Variants in GRAMD1B observed in about 807,000 individuals in gnomAD.
The protein encoded by GRAMD1B is protein Aster-B.
A neutral mutation model predicts 99.7 loss-of-function variants in GRAMD1B; 37 were observed. That is an observed-to-expected ratio of 0.37 (90% CI 0.29 to 0.49). The LOEUF is 0.49. Among genes scored for constraint, GRAMD1B ranks in the 20% least tolerant of loss-of-function variants. The probability of loss-of-function intolerance (pLI) is 0.98; values close to 1 mark genes in which losing one functional copy is unlikely to be tolerated. For synonymous variants in GRAMD1B, 427 were observed against 387.6 expected (o/e 1.10, Z -1.19); for missense variants, 888 against 1,009.2 (o/e 0.88, Z 1.63).
chr11:123,434,330 C>A (rs1380839528), intron 1 of GRAMD1B, among the ~76,000 whole-genome samples: 1 of 151,654 alleles, frequency 6.6e-6, no homozygotes, highest in Non-Finnish European at 1.5e-5. Flanking sequence ...TCGTGTGACT[C>A]ACATCTACTC....
intron 1 of GRAMD1B, among the ~76,000 whole-genome samples, chr11:123,449,394 A>G (rs918827145): frequency 1.3e-5 from 2 of 152,246 alleles, no homozygotes; most frequent in African/African-American, 2.4e-5. Context: ...TTCGATTTTC[A>G]TGGAATTCTA....
At chr11:123,413,504 T>C (rs1415790752) in intron 1 of GRAMD1B, among the ~76,000 whole-genome samples, 2 of 126,484 alleles carry the variant, frequency 1.6e-5, no homozygotes, top group African/African-American at 7.7e-5. Flanking sequence ...CAGGGTCCAT[T>C]TGCCCATATT....
intron 1 of GRAMD1B, among the ~76,000 whole-genome samples, chr11:123,468,948 A>T (rs2134628816): frequency 6.6e-6 from 1 of 152,070 alleles, no homozygotes; most frequent in African/African-American, 2.4e-5. Flanking sequence ...TGTTTATTTA[A>T]TTCTCCCAAA....
chr11:123,520,582 G>A (rs1774737117), intron 2 of GRAMD1B, among the ~76,000 whole-genome samples: 1 of 151,798 alleles, frequency 6.6e-6, no homozygotes, highest in Non-Finnish European at 1.5e-5. Context: ...AACAGCCTGG[G>A]CAACACAGCG....
intron 1 of GRAMD1B, among the ~76,000 whole-genome samples, chr11:123,409,027 G>A (rs779368418): frequency 2.6e-5 from 4 of 152,132 alleles, no homozygotes; most frequent in East Asian, 1.9e-4. Flanking sequence ...CAGAGACAAC[G>A]CTGATTAATC....
intron 2 of GRAMD1B, among the ~76,000 whole-genome samples, chr11:123,522,665 C>T (rs1188128981): frequency 6.6e-6 from 1 of 152,076 alleles, no homozygotes; most frequent in Non-Finnish European, 1.5e-5. Context: ...CCCCAGGGCC[C>T]TGTGAGAAGC....
At chr11:123,436,586 T>C (rs1231171743) in intron 1 of GRAMD1B, among the ~76,000 whole-genome samples, 1 of 152,194 alleles carries the variant, frequency 6.6e-6, no homozygotes, top group Non-Finnish European at 1.5e-5. Flanking sequence ...TCGTAGATTC[T>C]GGAGCTTGGG....
At chr11:123,560,126 G>A (rs559711043) in intron 2 of GRAMD1B, 6 of 840,732 alleles carry the variant, frequency 7.1e-6, no homozygotes, top group African/African-American at 5.7e-5. Flanking sequence ...ATTGAGCGCC[G>A]GCAAGCTGAC....
chr11:123,585,550 G>C (rs1949980178), intron 4 of GRAMD1B, among the ~76,000 whole-genome samples: 2 of 152,168 alleles, frequency 1.3e-5, no homozygotes, highest in Non-Finnish European at 2.9e-5. Context: ...ATCTTGGGGT[G>C]GGAGAGAAGC....
At chr11:123,418,030 G>T (rs56877114) in intron 1 of GRAMD1B, among the ~76,000 whole-genome samples, 2 of 152,238 alleles carry the variant, frequency 1.3e-5, no homozygotes, top group African/African-American at 4.8e-5. Context: ...CTCCCGAAGT[G>T]CTGGGATTAT....
chr11:123,401,321 C>T (rs1010331218), intron 1 of GRAMD1B, among the ~76,000 whole-genome samples: 3 of 152,188 alleles, frequency 2.0e-5, no homozygotes, highest in Non-Finnish European at 2.9e-5. Context: ...AGAAGCATCC[C>T]GGTGACTCCT....
intron 3 of GRAMD1B, among the ~76,000 whole-genome samples, chr11:123,583,249 ATGTG>A (rs920194676): frequency 6.9e-5 from 9 of 129,696 alleles, no homozygotes; most frequent in Non-Finnish European, 1.5e-4. Context: ...GTCTGTGTGA[ATGTG>A]TGTGCACATG....
chr11:123,444,485 A>G (rs1477984679), intron 1 of GRAMD1B, among the ~76,000 whole-genome samples: 1 of 152,022 alleles, frequency 6.6e-6, no homozygotes, highest in African/African-American at 2.4e-5. Context: ...AAAAAAAAAA[A>G]TTCTGTTTTC....
intron 4 of GRAMD1B, among the ~76,000 whole-genome samples, chr11:123,589,610 A>ATT (rs1375171373): frequency 2.7e-4 from 38 of 138,404 alleles, no homozygotes; most frequent in African/African-American, 1.1e-3. Flanking sequence ...TGTGTGGCTA[A>ATT]TTTTTATATA....
intron 2 of GRAMD1B, among the ~76,000 whole-genome samples, chr11:123,541,672 A>G (rs1168015232): frequency 4.6e-5 from 7 of 151,454 alleles, no homozygotes; most frequent in Admixed American, 3.3e-4. Context: ...TCTTTTGTCT[A>G]TTAACTTTAA....
chr11:123,605,539 G>A, intron 10 of GRAMD1B, 61 bp downstream of exon 10: 1 of 1,372,900 alleles, frequency 7.3e-7, no homozygotes, highest in East Asian at 2.4e-5. Context: ...TCCTAGCATA[G>A]TTCACTGGGA....
intron 2 of GRAMD1B, chr11:123,560,249 C>G: frequency 1.9e-6 from 2 of 1,078,256 alleles, no homozygotes; most frequent in Non-Finnish European, 2.3e-6. Flanking sequence ...TGCGCCTGTG[C>G]GCGTGCGTGC....
At chr11:123,375,143 G>A (rs778140742) in intron 1 of GRAMD1B, among the ~76,000 whole-genome samples, 5 of 152,168 alleles carry the variant, frequency 3.3e-5, no homozygotes, top group Admixed American at 6.5e-5. Flanking sequence ...TAGAGAGGAG[G>A]AAACTAAGAT....
At chr11:123,543,785 G>C (rs931556881) in intron 2 of GRAMD1B, among the ~76,000 whole-genome samples, 1 of 152,140 alleles carries the variant, frequency 6.6e-6, no homozygotes, top group Non-Finnish European at 1.5e-5. Context: ...TATCTCAGGG[G>C]TCAGCAAACT....
Sources: gnomAD v4.1 joint callset for allele counts (sites outside exome capture counted in the v4.1 genomes callset) on GRCh38, gnomAD v4.1.1 for gene constraint, MANE v1.5 for transcripts, NCBI Gene and HGNC (gene_info 2026-07-23, HGNC 2026-07-21) for gene names.